Variants in POLRMT observed in about 807,000 individuals in gnomAD.
POLRMT encodes the protein DNA-directed RNA polymerase, mitochondrial.
POLRMT carries 114 observed loss-of-function variants against 132.2 expected under a neutral mutation model. The observed-to-expected ratio is 0.86, with a 90% CI of 0.74 to 1.01. The LOEUF (loss-of-function observed/expected upper bound fraction) is 1.01. Ranked by LOEUF, POLRMT falls within the 50% of genes least tolerant of loss-of-function variation. POLRMT has a pLI of 0.00. For synonymous variants in POLRMT, 1,020 were observed against 773.4 expected, an observed-to-expected ratio of 1.32 and a Z score of -5.29; for missense variants, 2,003 against 1,729.1, an observed-to-expected ratio of 1.16 and a Z score of -2.81.
chr19:619,793 G>C, intron 12 of POLRMT, 28 bp from the exon 13 acceptor site: 1 of 1,551,844 alleles, frequency 6.4e-7, no homozygotes, highest in Non-Finnish European at 8.7e-7. Context: ...CGGGGGCGCG[G>C]GTCAGCCCCG....
intron 10 of POLRMT, among the ~76,000 whole-genome samples, 166 bp downstream of exon 10, chr19:620,892 A>T (rs1425846352): frequency 2.9e-5 from 1 of 34,210 alleles, no homozygotes; most frequent in Non-Finnish European, 5.3e-5. Flanking sequence ...TGGGGGCGCC[A>T]GGGGAGGGGG....
intron 12 of POLRMT, 26 bp downstream of exon 12, chr19:619,932 C>T (rs774834210): frequency 2.1e-5 from 34 of 1,599,152 alleles, no homozygotes; most frequent in Middle Eastern, 2.1e-4. Context: ...CGCCGAGATG[C>T]CCCCGGGCAG....
chr19:622,993 G>A lies in POLRMT; in HGVS notation c.1291-8C>T. The stretch of plus-strand genomic sequence containing the variant: ...GGTCTTCAGGGTCTTCCGCTGCGGG[G>A]GATGAACGGGCCCGGTGAGCCCCGT... On this transcript the variant is annotated splice_region_variant and splice_polypyrimidine_tract_variant and intron_variant, in intron 6 of 20. Coordinates refer to ENST00000588649, the MANE Select transcript of POLRMT (RefSeq NM_005035.4). The A allele has an allele frequency of 3.1e-6, 5 of 1,611,460 alleles. No individual in the cohort carries two copies. Among genetic ancestry groups the A allele is most frequent in the Non-Finnish European group, 4.2e-6 (5 of 1,179,226 alleles).
rs1262421093 is a variant in POLRMT at position 631,622 on chromosome 19, A to G, written c.193+1212T>C. Among the ~76,000 whole-genome samples the G allele has an allele frequency of 4.6e-5, 7 of 152,222 alleles. No homozygotes were observed. The East Asian group carries it at 1.4e-3, about 29-fold the overall frequency. On this transcript the variant is annotated intron_variant, in intron 2 of 20. Transcript: ENST00000588649. Reference sequence around the variant, plus strand: ...CCATTGCACTCCAGCCTAGCAACAGATTGAGAATCCGTCTCAAGAAAAAAA... The same window carrying G: ...CCATTGCACTCCAGCCTAGCAACAGGTTGAGAATCCGTCTCAAGAAAAAAA...
rs759143636 is a variant in POLRMT, at chr19:618,734, G to A, written c.3294C>T (p.Ile1098=). The A allele has an allele frequency of 1.0e-5, 16 of 1,606,874 alleles. No homozygotes were observed. Among genetic ancestry groups the A allele is most frequent in the Admixed American group, 1.7e-5 (1 of 59,238 alleles). The change falls in exon 16 of 21, where the codon ATC becomes ATT. Residue 1098 remains isoleucine, a synonymous_variant. Coordinates refer to ENST00000588649, the MANE Select transcript of POLRMT (RefSeq NM_005035.4). ...TGATGTCTCCGTTGTGGGTGTAGGT[G>A]ATGCTCTGAATTCCACCTCCTATTT... The part of the protein sequence containing the change: ...VKQIGGGIQS[I]TYTHNGDISR...
chr19:626,395 C>T (rs1269708949), intron 3 of POLRMT, among the ~76,000 whole-genome samples: 2 of 151,582 alleles, frequency 1.3e-5, no homozygotes, highest in East Asian at 1.9e-4. Context: ...CTCAGGGGAT[C>T]CACCCGCCTC....
At chr19:627,260 T>C (rs1453886888) in intron 3 of POLRMT, among the ~76,000 whole-genome samples, 3 of 148,944 alleles carry the variant, frequency 2.0e-5, no homozygotes, top group African/African-American at 7.4e-5. Flanking sequence ...CACTCCATCC[T>C]CCTGCCTCAG....
rs1984431253 is a variant in POLRMT at position 620,439 on chromosome 19, A to G, written c.2689T>C (p.Cys897Arg). 1 of 1,599,294 alleles carries G rather than the reference A, an allele frequency of 6.3e-7. No individual in the cohort carries two copies. The highest frequency in any genetic ancestry group is 8.5e-7 in the Non-Finnish European group (1 of 1,173,290). The change falls in exon 11 of 21, where the codon TGC becomes CGC. Residue 897 changes from cysteine (C) to arginine (R), a missense_variant. Coordinates refer to ENST00000588649, the MANE Select transcript of POLRMT (RefSeq NM_005035.4). ...GAEEPWQTLA[C>R]CMEVANAVRA... ...ACAGCGTTCGCCACCTCCATACAGC[A>G]GGCCAGCGTCTGCCAGGGTTCCTCC...
In POLRMT at chr19:633,529, G is replaced by GGTGCCGCCGCCGCC; in HGVS notation, c.-18_-17insGGCGGCGGCGGCAC. On this transcript the variant is annotated 5_prime_UTR_variant, in exon 1 of 21. Transcript: ENST00000588649. ...TGCCGACATTACGCACGCCGCTCCAGGCCACCCCACCGGCCCGCGCCTGCG... is the reference window on the plus strand; with the variant it reads ...TGCCGACATTACGCACGCCGCTCCAGGTGCCGCCGCCGCCGCCACCCCACCGGCCCGCGCCTGCG... 3.4e-6 allele frequency: 5 copies of GGTGCCGCCGCCGCC among 1,463,692 alleles called. No homozygotes were observed. The highest frequency in any genetic ancestry group is 2.8e-5 in the East Asian group (1 of 35,476). 90.7% of individuals were successfully genotyped at this position (1,463,692 alleles called of 1,614,324 possible). A position where few individuals can be genotyped will look rare whatever the true frequency, so the allele number is the denominator to read the frequency against.
rs772992016 is a variant in POLRMT, at chr19:617,252, C to T, written c.*22G>A. On this transcript the variant is annotated 3_prime_UTR_variant, in exon 21 of 21. Transcript: ENST00000588649. The stretch of plus-strand genomic sequence containing the variant: ...GGGTGGCAAAAGAGCTTTATTTACA[C>T]ACTGACAAGGCTCACGGGGTGTCAG... The T allele has an allele frequency of 7.4e-6, 12 of 1,612,172 alleles. No homozygotes were observed. The Admixed American group carries it at 1.7e-4, about 22-fold the overall frequency.
chr19:625,968 T>G (rs1337874346), intron 3 of POLRMT, among the ~76,000 whole-genome samples: 2 of 152,102 alleles, frequency 1.3e-5, no homozygotes, highest in African/African-American at 4.8e-5. Context: ...CCCAAAGTGC[T>G]GGGATGACAG....
rs778386395 is a variant in POLRMT at position 622,928 on chromosome 19, G to A, written c.1348C>T (p.Arg450Trp). The A allele has an allele frequency of 1.2e-6, 2 of 1,612,818 alleles. No homozygotes were observed. The change falls in exon 7 of 21, where the codon CGG becomes TGG. Residue 450 changes from arginine to tryptophan, a missense_variant. Coordinates refer to ENST00000588649, the MANE Select transcript of POLRMT (RefSeq NM_005035.4). ...QWEKALCRAL[R>W]ETKNRLEREV... ...CGCTCTAGGCGGTTCTTGGTCTCCCGCAGCGCCCGGCACAGTGCTTTCTCC... is the reference window on the plus strand; with the variant it reads ...CGCTCTAGGCGGTTCTTGGTCTCCCACAGCGCCCGGCACAGTGCTTTCTCC...
intron 3 of POLRMT, among the ~76,000 whole-genome samples, chr19:626,825 A>G (rs1381047283): frequency 6.6e-6 from 1 of 150,940 alleles, no homozygotes; most frequent in East Asian, 1.9e-4. Context: ...TCACCACTGC[A>G]CTCCAGCCTG....
chr19:619,017 G>C lies in POLRMT; in HGVS notation c.3247C>G (p.Arg1083Gly). 2 of 1,594,076 alleles carry C rather than the reference G, an allele frequency of 1.3e-6. No homozygotes were observed. Among genetic ancestry groups the C allele is most frequent in the Non-Finnish European group, 1.7e-6 (2 of 1,170,154 alleles). ...PLGVPVIQPY[R>G]LDSKVKQIGG... ...CTGACCTTGACCTTGGAGTCCAGGC[G>C]ATAGGGCTGGATGACGGGGACGCCC... Residue 1083 changes from arginine (R) to glycine (G), a missense_variant, in exon 15 of 21, where the codon CGC (arginine) becomes GGC (glycine). Coordinates refer to ENST00000588649, the MANE Select transcript of POLRMT (RefSeq NM_005035.4).
chr19:620,091 G>T lies in POLRMT; in HGVS notation c.2764-11C>A. 1 of 1,537,150 alleles carries T rather than the reference G, an allele frequency of 6.5e-7. No individual in the cohort carries two copies. Among genetic ancestry groups the T allele is most frequent in the Non-Finnish European group, 8.7e-7 (1 of 1,146,214 alleles). ...GTTGCAAGAGCCGTCCTGAGGAAGG[G>T]GCGGCAAACGGGAGATGGAAGCTAG... On this transcript the variant is annotated splice_polypyrimidine_tract_variant and intron_variant, in intron 11 of 20. Transcript: ENST00000588649.
At chr19:627,087 G>A (rs1985075665) in intron 3 of POLRMT, among the ~76,000 whole-genome samples, 1 of 150,918 alleles carries the variant, frequency 6.6e-6, no homozygotes, top group South Asian at 2.1e-4. Context: ...TCCTGCAGCT[G>A]AAGACATGCT....
At chr19:629,242 C>G (rs1034833174) in intron 3 of POLRMT, among the ~76,000 whole-genome samples, 2 of 152,052 alleles carry the variant, frequency 1.3e-5, no homozygotes, top group African/African-American at 4.8e-5. Context: ...CTGACGAGGG[C>G]TCTGCAGGCT....
intron 17 of POLRMT, chr19:618,061 C>G: frequency 1.7e-6 from 1 of 589,404 alleles, no homozygotes; most frequent in Non-Finnish European, 3.0e-6. Flanking sequence ...AGCCTCCTCG[C>G]CCCACCCCTG....
intron 10 of POLRMT, 147 bp from the exon 11 acceptor site, chr19:620,634 G>C (rs912109245): frequency 2.3e-5 from 25 of 1,082,398 alleles, no homozygotes; most frequent in Non-Finnish European, 3.0e-5. Context: ...GAGACGGGGC[G>C]GTGGCTGGAT....
Sources: allele counts gnomAD v4.1 joint callset (sites outside exome capture counted in the v4.1 genomes callset), GRCh38; gene constraint gnomAD v4.1.1; transcripts MANE v1.5; gene names NCBI Gene and HGNC (gene_info 2026-07-23, HGNC 2026-07-21).